Variants in DSCAM observed in about 807,000 individuals in gnomAD.
DSCAM encodes the protein DS cell adhesion molecule.
In DSCAM, 47 loss-of-function variants were observed where a neutral mutation model predicts 217.7. The observed-to-expected ratio is 0.22, with a 90% CI of 0.17 to 0.28. The LOEUF (loss-of-function observed/expected upper bound fraction) is 0.28, where lower values mean the gene tolerates loss of function less well. Among genes scored for constraint, DSCAM ranks in the 10% least tolerant of loss-of-function variants. The pLI is 1.00. For missense variants in DSCAM, 2,080 were observed against 2,618.3 expected (o/e 0.79, Z 4.49); for synonymous variants, 1,056 against 1,015.3 (o/e 1.04, Z -0.76).
chr21:40,640,976 GACA>G (rs1415281194), intron 3 of DSCAM, among the ~76,000 whole-genome samples: 2 of 152,122 alleles, frequency 1.3e-5, no homozygotes, highest in South Asian at 2.1e-4. Context: ...AATATAAACA[GACA>G]ACATTATCTA....
chr21:40,201,438 GCTT>G (rs1488964824), intron 11 of DSCAM, among the ~76,000 whole-genome samples: 4 of 151,612 alleles, frequency 2.6e-5, no homozygotes, highest in Admixed American at 6.6e-5. Context: ...CAATAAGAAA[GCTT>G]CTTATTTATT....
At chr21:40,609,921 T>C (rs1013915580) in intron 3 of DSCAM, among the ~76,000 whole-genome samples, 9 of 152,222 alleles carry the variant, frequency 5.9e-5, no homozygotes, top group Non-Finnish European at 1.3e-4. Context: ...AGTGCTCTTA[T>C]ATCAAGATGA....
chr21:40,764,070 G>T (rs1452590551), intron 1 of DSCAM, among the ~76,000 whole-genome samples: 1 of 152,128 alleles, frequency 6.6e-6, no homozygotes, highest in African/African-American at 2.4e-5. Flanking sequence ...AAAAGCAATG[G>T]CAACAAAAGC....
At chr21:40,293,833 A>G (rs1421486937) in intron 10 of DSCAM, among the ~76,000 whole-genome samples, 5 of 152,172 alleles carry the variant, frequency 3.3e-5, no homozygotes, top group Non-Finnish European at 7.3e-5. Flanking sequence ...TCCAGAAAAA[A>G]AAAAGTCATA....
intron 32 of DSCAM, among the ~76,000 whole-genome samples, chr21:40,025,288 G>T (rs1444143572): frequency 3.8e-5 from 5 of 131,602 alleles, no homozygotes; most frequent in Non-Finnish European, 8.1e-5. Context: ...TTTTATTGAG[G>T]ATTTTTGCAT....
intron 14 of DSCAM, among the ~76,000 whole-genome samples, chr21:40,185,100 G>A (rs2090879160): frequency 6.6e-6 from 1 of 152,162 alleles, no homozygotes; most frequent in Non-Finnish European, 1.5e-5. Context: ...CCTCTAGCGT[G>A]GTGGAGGTGA....
chr21:40,684,072 A>G (rs1427970579), intron 3 of DSCAM, among the ~76,000 whole-genome samples: 1 of 151,714 alleles, frequency 6.6e-6, no homozygotes, highest in African/African-American at 2.4e-5. Context: ...TAAAAAAAAA[A>G]AAATAGCCAG....
At chr21:40,725,824 G>A (rs1019319748) in intron 1 of DSCAM, among the ~76,000 whole-genome samples, 1 of 152,116 alleles carries the variant, frequency 6.6e-6, no homozygotes, top group Non-Finnish European at 1.5e-5. Flanking sequence ...ATAAAGCAAG[G>A]TGTGACTGAC....
At chr21:40,562,026 C>T (rs2076724243) in intron 3 of DSCAM, among the ~76,000 whole-genome samples, 1 of 152,220 alleles carries the variant, frequency 6.6e-6, no homozygotes, top group South Asian at 2.1e-4. Context: ...TGACTTTCCC[C>T]ACATCGTGGT....
At chr21:40,394,703 AG>A (rs2075163010) in intron 3 of DSCAM, among the ~76,000 whole-genome samples, 1 of 152,180 alleles carries the variant, frequency 6.6e-6, no homozygotes, top group Admixed American at 6.5e-5. Context: ...TTTTCCCTAG[AG>A]GGAGCCTTGA....
At chr21:40,319,414 G>T (rs4816681) in intron 8 of DSCAM, among the ~76,000 whole-genome samples, 2 of 151,536 alleles carry the variant, frequency 1.3e-5, no homozygotes, top group East Asian at 1.9e-4. Flanking sequence ...AAACAAGAAA[G>T]GCTAAATAAT....
At chr21:40,601,923 T>C (rs1176264579) in intron 3 of DSCAM, among the ~76,000 whole-genome samples, 1 of 152,178 alleles carries the variant, frequency 6.6e-6, no homozygotes, top group African/African-American at 2.4e-5. Flanking sequence ...TAGTATTTTA[T>C]TGAGTAATTT....
chr21:40,410,061 T>C (rs1311136759), intron 3 of DSCAM, among the ~76,000 whole-genome samples: 1 of 151,806 alleles, frequency 6.6e-6, no homozygotes, highest in African/African-American at 2.4e-5. Flanking sequence ...ATGAAACAGA[T>C]GATAAAATTA....
intron 1 of DSCAM, among the ~76,000 whole-genome samples, chr21:40,756,976 CGTGT>C (rs1555886227): frequency 6.7e-5 from 10 of 149,704 alleles, no homozygotes; most frequent in Admixed American, 2.0e-4. Context: ...AACAAATGGT[CGTGT>C]GTGTGTGTGT....
chr21:40,110,892 C>T (rs2089890329), intron 20 of DSCAM, among the ~76,000 whole-genome samples: 1 of 152,158 alleles, frequency 6.6e-6, no homozygotes, highest in African/African-American at 2.4e-5. Context: ...ATGAACAAAG[C>T]CTCCAAGAAA....
intron 1 of DSCAM, among the ~76,000 whole-genome samples, chr21:40,789,133 C>T (rs998218452): frequency 6.6e-6 from 1 of 152,036 alleles, no homozygotes; most frequent in Non-Finnish European, 1.5e-5. Flanking sequence ...ATATTGCATA[C>T]TCACCTGTTG....
At chr21:40,111,742 C>T (rs1343584186) in intron 20 of DSCAM, among the ~76,000 whole-genome samples, 1 of 151,512 alleles carries the variant, frequency 6.6e-6, no homozygotes, top group Non-Finnish European at 1.5e-5. Context: ...AAATAGAAAA[C>T]AAAAAAAGGC....
intron 32 of DSCAM, among the ~76,000 whole-genome samples, chr21:40,033,500 C>T (rs910889172): frequency 6.6e-6 from 1 of 151,870 alleles, no homozygotes; most frequent in African/African-American, 2.4e-5. Context: ...GAGACTATAT[C>T]CCGCACCTGG....
intron 27 of DSCAM, among the ~76,000 whole-genome samples, chr21:40,067,392 G>A (rs1404918475): frequency 2.6e-5 from 4 of 152,122 alleles, no homozygotes; most frequent in African/African-American, 9.7e-5. Context: ...GTTATGTCTG[G>A]AAAAATTTTG....
Sources: allele counts gnomAD v4.1 joint callset (sites outside exome capture counted in the v4.1 genomes callset), GRCh38; gene constraint gnomAD v4.1.1; transcripts MANE v1.5; gene names NCBI Gene and HGNC (gene_info 2026-07-23, HGNC 2026-07-21).